Variants in CDC14B observed in about 807,000 individuals in gnomAD.
CDC14B encodes dual specificity protein phosphatase CDC14B.
Under a neutral mutation model 64.2 loss-of-function variants are expected in CDC14B, and 22 were observed. That is an observed-to-expected ratio of 0.34 (90% confidence interval 0.24 to 0.49). The LOEUF (loss-of-function observed/expected upper bound fraction) is 0.49. Among genes scored for constraint, CDC14B ranks in the 20% least tolerant of loss-of-function variants. The probability of loss-of-function intolerance (pLI) is 0.99; values close to 1 mark genes in which losing one functional copy is unlikely to be tolerated. For missense variants in CDC14B, 498 were observed against 629.9 expected (o/e 0.79, Z 2.24); for synonymous variants, 191 against 215.8 (o/e 0.89, Z 1.01).
chr9:96,493,879 C>T (rs530741340), intron 13 of CDC14B, among the ~76,000 whole-genome samples: 4 of 152,326 alleles, frequency 2.6e-5, no homozygotes, highest in South Asian at 4.1e-4. Flanking sequence ...AGCCTGGCCA[C>T]GTGGACCATG....
At chr9:96,537,022 G>A (rs1184895871) in intron 7 of CDC14B, among the ~76,000 whole-genome samples, 1 of 152,142 alleles carries the variant, frequency 6.6e-6, no homozygotes, top group Non-Finnish European at 1.5e-5. Flanking sequence ...GGGTGCCGTG[G>A]CTTACATCTG....
At chr9:96,551,611 C>T (rs2026929) in intron 5 of CDC14B, among the ~76,000 whole-genome samples, 185 bp downstream of exon 5, 48,552 of 151,920 alleles carry the variant, frequency 0.32, 10,426 homozygotes, top group African/African-American at 0.61. Context: ...CATGCTACGA[C>T]GCACAAGATA....
intron 1 of CDC14B, among the ~76,000 whole-genome samples, chr9:96,617,155 A>G (rs576181415): frequency 6.6e-6 from 1 of 151,962 alleles, no homozygotes; most frequent in East Asian, 1.9e-4. Flanking sequence ...GAAGAGCAAA[A>G]GAACAAAGCT....
At chr9:96,527,394 G>A (rs775624752) in intron 9 of CDC14B, among the ~76,000 whole-genome samples, 15 of 152,126 alleles carry the variant, frequency 9.9e-5, no homozygotes, top group Non-Finnish European at 1.0e-4. Context: ...GCAAGACTCC[G>A]TCTCAAAAAC....
intron 6 of CDC14B, among the ~76,000 whole-genome samples, chr9:96,540,112 T>C (rs1402721921): frequency 1.3e-5 from 2 of 152,224 alleles, no homozygotes; most frequent in African/African-American, 4.8e-5. Context: ...ATATATTTCA[T>C]GATTTTGGAC....
chr9:96,561,792 A>G (rs556939174), intron 4 of CDC14B, among the ~76,000 whole-genome samples: 1 of 151,788 alleles, frequency 6.6e-6, no homozygotes, highest in African/African-American at 2.4e-5. Flanking sequence ...CGGCCAAAAC[A>G]ACCCTTTTTT....
chr9:96,505,784 C>T (rs1001878622), intron 13 of CDC14B, among the ~76,000 whole-genome samples: 2 of 152,164 alleles, frequency 1.3e-5, no homozygotes, highest in African/African-American at 2.4e-5. Context: ...GCTGCCTGGC[C>T]GCCGTCCCAG....
chr9:96,575,083 G>C (rs1219182744), intron 1 of CDC14B, among the ~76,000 whole-genome samples: 2 of 152,148 alleles, frequency 1.3e-5, no homozygotes, highest in South Asian at 2.1e-4. Flanking sequence ...GATTTACAAC[G>C]GATGTTTATT....
At chr9:96,525,962 A>G (rs2131590885) in intron 9 of CDC14B, among the ~76,000 whole-genome samples, 1 of 152,344 alleles carries the variant, frequency 6.6e-6, no homozygotes, top group East Asian at 1.9e-4. Flanking sequence ...ACCCAAATCC[A>G]TATATTGTTC....
chr9:96,503,550 G>T lies in CDC14B; in HGVS notation c.*203C>A. On this transcript the variant is annotated 3_prime_UTR_variant, in exon 14 of 14. Transcript: ENST00000375241. ...TGTTTGTCATTCAGCTTGAGAGCTG[G>T]ACCCTTCTCTGAGTCATTTGCTTGC... 1.7e-6 allele frequency: 1 copy of T among 588,630 alleles called. No homozygotes were observed. Among genetic ancestry groups the T allele is most frequent in the Non-Finnish European group, 3.0e-6 (1 of 333,386 alleles). The allele number at this position is 588,630 out of a possible 1,614,324, so 36.5% of individuals were successfully genotyped here.
At chr9:96,529,261 T>TA (rs1176402514) in intron 9 of CDC14B, among the ~76,000 whole-genome samples, 1 of 152,184 alleles carries the variant, frequency 6.6e-6, no homozygotes, top group Non-Finnish European at 1.5e-5. Context: ...TATATGGTGT[T>TA]ATGTAAGGGC....
At chr9:96,504,485 G>A (rs113126298) in intron 13 of CDC14B, among the ~76,000 whole-genome samples, 4 of 152,314 alleles carry the variant, frequency 2.6e-5, no homozygotes, top group Admixed American at 1.3e-4. Flanking sequence ...GCTCTTCAAG[G>A]AGAAGCGTTT....
intron 13 of CDC14B, among the ~76,000 whole-genome samples, chr9:96,506,212 G>T (rs1292691331): frequency 2.6e-5 from 4 of 152,054 alleles, no homozygotes; most frequent in Non-Finnish European, 5.9e-5. Flanking sequence ...GCTGTTTAAA[G>T]ATTTCAACTC....
At chr9:96,545,778 G>A (rs930401938) in intron 5 of CDC14B, among the ~76,000 whole-genome samples, 4 of 150,502 alleles carry the variant, frequency 2.7e-5, no homozygotes, top group African/African-American at 7.4e-5. Context: ...GATTTCACAC[G>A]CTTTCATCTG....
At chr9:96,568,081 T>TG (rs1311174904) in intron 1 of CDC14B, among the ~76,000 whole-genome samples, 1 of 152,234 alleles carries the variant, frequency 6.6e-6, no homozygotes, top group Non-Finnish European at 1.5e-5. Flanking sequence ...GTGCTGGGAT[T>TG]GGGGTTCATT....
At chr9:96,594,372 T>C (rs1588047381) in intron 1 of CDC14B, among the ~76,000 whole-genome samples, 1 of 152,148 alleles carries the variant, frequency 6.6e-6, no homozygotes, top group Admixed American at 6.5e-5. Context: ...GTCCAAAGTA[T>C]CCAACAGAAT....
chr9:96,509,668 C>A lies in CDC14B; in HGVS notation c.1460+5G>T. The A allele has an allele frequency of 6.4e-7, 1 of 1,552,108 alleles. No homozygotes were observed. Among genetic ancestry groups the A allele is most frequent in the Non-Finnish European group, 8.9e-7 (1 of 1,124,088 alleles). On this transcript the variant is annotated splice_donor_5th_base_variant and intron_variant, in intron 13 of 13. Coordinates refer to ENST00000375241, the MANE Select transcript of CDC14B (RefSeq NM_033331.4). ...CTTTTCAGAAGAGTAGGATTCTTTT[C>A]TCACCTTTTAACACTGCTTTTCCTT...
intron 1 of CDC14B, among the ~76,000 whole-genome samples, chr9:96,606,527 T>TG (rs1846941875): frequency 1.9e-4 from 22 of 112,854 alleles, no homozygotes; most frequent in South Asian, 1.0e-3. Flanking sequence ...TACTAAAAGT[T>TG]TGTGTGTGTG....
Position 96,503,799 on chromosome 9 carries a change from G to GAAAA in CDC14B, c.1461-14_1461-11dup. 3 of 1,605,734 alleles carry GAAAA rather than the reference G, an allele frequency of 1.9e-6. No homozygotes were observed. The highest frequency in any genetic ancestry group is 2.6e-6 in the Non-Finnish European group (3 of 1,175,824). The stretch of plus-strand genomic sequence containing the variant: ...CCTTGAAATGGAGAGACTACAGGGG[G>GAAAA]AAAAAAAAGGATTTTTACCAGAAAG... On this transcript the variant is annotated splice_polypyrimidine_tract_variant and intron_variant, in intron 13 of 13. Coordinates refer to ENST00000375241, the MANE Select transcript of CDC14B (RefSeq NM_033331.4).
Sources: gnomAD v4.1 joint callset for allele counts (sites outside exome capture counted in the v4.1 genomes callset) on GRCh38, gnomAD v4.1.1 for gene constraint, MANE v1.5 for transcripts, NCBI Gene and HGNC (gene_info 2026-07-23, HGNC 2026-07-21) for gene names.